Variants in ACAP3 observed in about 807,000 individuals in gnomAD.
The protein encoded by ACAP3 is arf-GAP with coiled-coil, ANK repeat and PH domain-containing protein 3.
A neutral mutation model predicts 104.1 loss-of-function variants in ACAP3; 56 were observed. That is an observed-to-expected ratio of 0.54 (90% CI 0.43 to 0.67). ACAP3 has a LOEUF of 0.67. Among genes scored for constraint, ACAP3 ranks in the 30% least tolerant of loss-of-function variants. The pLI, the probability that ACAP3 is intolerant of heterozygous loss-of-function variation, is 0.00. For missense variants in ACAP3, 1,208 were observed against 1,174.9 expected, an observed-to-expected ratio of 1.03 and a Z score of -0.41; for synonymous variants, 628 against 496.2, an observed-to-expected ratio of 1.27 and a Z score of -3.53.
rs199972649 is a variant in ACAP3 at position 1,293,836 on chromosome 1, C to T, written c.2347G>A (p.Asp783Asn). Residue 783 changes from aspartate to asparagine, a missense_variant, in exon 23 of 24, where the codon GAC becomes AAC. Coordinates refer to ENST00000354700, the MANE Select transcript of ACAP3 (RefSeq NM_030649.3). ...GGCCGCGCTCACAGTGTCACGATGT[C>T]AGCGTTGGCCGCCTGCACTGCGATG... is the stretch of plus-strand genomic sequence containing the variant. ...LAIAVQAANA[D>N]IVTLLRLARM... 1 of 1,581,210 alleles carries T rather than the reference C, an allele frequency of 6.3e-7. No individual in the cohort carries two copies. The highest frequency in any genetic ancestry group is 8.6e-7 in the Non-Finnish European group (1 of 1,167,684).
At chr1:1,304,978 C>A (rs1437604261) in intron 1 of ACAP3, 1 of 152,382 alleles carries the variant, frequency 6.6e-6, no homozygotes, top group Non-Finnish European at 1.5e-5. Context: ...GGATTGGGCA[C>A]CACAGGGCCC....
intron 1 of ACAP3, chr1:1,307,220 G>A (rs536781899): frequency 1.8e-4 from 231 of 1,287,160 alleles, no homozygotes; most frequent in African/African-American, 1.2e-3. Context: ...AAAACATGCA[G>A]ACTCGGTGTG....
chr1:1,292,478 CAG>C lies in ACAP3; in HGVS notation c.*1084_*1085del, dbSNP rs1478432020. The stretch of plus-strand genomic sequence containing the variant: ...GGCAAGAGGCGGGGCCAAGCTCACA[CAG>C]GGAGAGGGGCAAGAATCAATTCTGT... On this transcript the variant is annotated 3_prime_UTR_variant, in exon 24 of 24. Transcript: ENST00000354700. 1.3e-5 allele frequency: 2 copies of C among 152,402 alleles called. No individual in the cohort carries two copies. Among genetic ancestry groups the C allele is most frequent in the Non-Finnish European group, 2.9e-5 (2 of 68,168 alleles). The allele number at this position is 152,402 out of a possible 1,614,324, so 9.4% of individuals were successfully genotyped here.
chr1:1,298,102 G>A lies in ACAP3; in HGVS notation c.927C>T (p.Thr309=), dbSNP rs142233597. The change falls in exon 13 of 24, where the codon ACC becomes ACT. Residue 309 remains threonine (T), a synonymous_variant. Transcript: ENST00000354700. ...VYQKKLKDAL[T]VVVDDLRLCS... ...ACAGGCGGAGGTCATCCACCACCAC[G>A]GTGAGGGCATCCTGTGGGCGGCACC... The A allele has an allele frequency of 1.9e-4, 303 of 1,607,234 alleles. No homozygotes were observed. In the African/African-American group the frequency reaches 2.7e-3, roughly 14 times the overall value.
intron 5 of ACAP3, among the ~76,000 whole-genome samples, 171 bp from the exon 6 acceptor site, chr1:1,300,863 G>C (rs113978002): frequency 6.6e-6 from 1 of 151,638 alleles, no homozygotes; most frequent in African/African-American, 2.4e-5. Context: ...TCTCTGCCTC[G>C]CGAGTTCAAG....
At chr1:1,300,450 G>T in intron 6 of ACAP3, 59 bp downstream of exon 6, 4 of 1,520,624 alleles carry the variant, frequency 2.6e-6, no homozygotes, top group Non-Finnish European at 3.6e-6. Context: ...GTACAAGGCC[G>T]TTGAGGCCTC....
Position 1,300,014 on chromosome 1 carries a change from G to A in ACAP3, c.622C>T (p.Leu208=). Residue 208 remains leucine, a synonymous_variant, in exon 8 of 24, where the codon CTG becomes TTG. Coordinates refer to ENST00000354700, the MANE Select transcript of ACAP3 (RefSeq NM_030649.3). Reference sequence around the variant, plus strand: ...TTCATGTAGGGGTCCAGCTGGTGCAGGAGGCTGTAGCCCTGCTGGAAGAAG... The same window carrying A: ...TTCATGTAGGGGTCCAGCTGGTGCAAGAGGCTGTAGCCCTGCTGGAAGAAG... ...SSFFQQGYSL[L]HQLDPYMKKL... The A allele has an allele frequency of 1.9e-6, 3 of 1,612,532 alleles. No homozygotes were observed. Among genetic ancestry groups the A allele is most frequent in the Non-Finnish European group, 2.5e-6 (3 of 1,179,844 alleles).
chr1:1,299,810 G>A, intron 9 of ACAP3, 21 bp downstream of exon 9: 3 of 1,539,284 alleles, frequency 1.9e-6, no homozygotes, highest in Non-Finnish European at 1.8e-6. Flanking sequence ...GGTGTGCAGG[G>A]AGCCGGCTGC....
intron 14 of ACAP3, 94 bp from the exon 15 acceptor site, chr1:1,296,727 G>C: frequency 7.4e-7 from 1 of 1,344,016 alleles, no homozygotes; most frequent in Admixed American, 2.0e-5. Context: ...AGCCAATGCA[G>C]GCCAGGGCCC....
In ACAP3 at chr1:1,294,103, G is replaced by C; in HGVS notation, c.2236C>G (p.Leu746Val). 6.3e-7 allele frequency: 1 copy of C among 1,579,082 alleles called. No homozygotes were observed. Among genetic ancestry groups the C allele is most frequent in the Non-Finnish European group, 8.6e-7 (1 of 1,162,360 alleles). Reference protein sequence around the residue: ...GRAPLHHATLLGRTGQVCLFL... With the variant: ...GRAPLHHATLVGRTGQVCLFL... Reference sequence around the variant, plus strand: ...TGCGCGTCTCACCCGGTGCGGCCCAGCAGCGTGGCGTGGTGCAGGGGCGCC... The same window carrying C: ...TGCGCGTCTCACCCGGTGCGGCCCACCAGCGTGGCGTGGTGCAGGGGCGCC... Residue 746 changes from leucine to valine, a missense_variant, in exon 22 of 24, where the codon CTG (leucine) becomes GTG (valine). Transcript: ENST00000354700.
chr1:1,296,658 G>T, intron 14 of ACAP3, 25 bp from the exon 15 acceptor site: 1 of 1,521,496 alleles, frequency 6.6e-7, no homozygotes, highest in South Asian at 1.2e-5. Context: ...GGAGCTGCTC[G>T]GTCCCGCAGG....
At chr1:1,302,576 G>T (rs1641490968) in intron 4 of ACAP3, among the ~76,000 whole-genome samples, 2 of 152,116 alleles carry the variant, frequency 1.3e-5, no homozygotes, top group Non-Finnish European at 2.9e-5. Context: ...ACATCTCACG[G>T]GTGCCTGTCC....
intron 14 of ACAP3, 116 bp from the exon 15 acceptor site, chr1:1,296,749 G>A (rs970689735): frequency 9.2e-5 from 100 of 1,087,940 alleles, no homozygotes; most frequent in Non-Finnish European, 1.2e-4. Flanking sequence ...TCGAGCACAC[G>A]CCCGCACACG....
intron 12 of ACAP3, 30 bp from the exon 13 acceptor site, chr1:1,298,143 C>T (rs775064749): frequency 6.3e-7 from 1 of 1,585,348 alleles, no homozygotes. Flanking sequence ...GGCCCCTGCC[C>T]TCAGCCACCA....
At position 1,296,252 on chromosome 1, in the gene ACAP3, G is replaced by A. The variant is rs768250680; in HGVS notation, c.1366C>T (p.Arg456Trp). 5.1e-6 allele frequency: 8 copies of A among 1,560,974 alleles called. No homozygotes were observed. In the Admixed American group the frequency reaches 5.7e-5, roughly 11 times the overall value. Residue 456 changes from arginine to tryptophan, a missense_variant, in exon 16 of 24, where the codon CGG becomes TGG. Arg to Trp is a moderately radical substitution (Grantham distance 101, BLOSUM62 -3). Transcript: ENST00000354700. Reference sequence around the variant, plus strand: ...TCCCACGAGTCCAGCGTCAGGGACCGCACCTTGGAGCAGTGGACACCCAGG... The same window carrying A: ...TCCCACGAGTCCAGCGTCAGGGACCACACCTTGGAGCAGTGGACACCCAGG... The part of the protein sequence containing the change: ...RSLGVHCSKV[R>W]SLTLDSWEPE...
At position 1,296,031 on chromosome 1, in the gene ACAP3, T is replaced by C. The variant is rs1328806600; in HGVS notation, c.1486A>G (p.Thr496Ala). The C allele has an allele frequency of 1.2e-6, 2 of 1,612,766 alleles. No individual in the cohort carries two copies. Among genetic ancestry groups the C allele is most frequent in the Non-Finnish European group, 1.7e-6 (2 of 1,179,962 alleles). Residue 496 changes from threonine (T) to alanine (A), a missense_variant, in exon 17 of 24, where the codon ACA becomes GCA. Thr to Ala is a moderately conservative substitution (Grantham distance 58). Transcript: ENST00000354700. ...CCACCTCACCGGGAGCTGCTGGCTGTGGGTTTCCTGCTGCCTGCACCCTCA... is the reference window on the plus strand; with the variant it reads ...CCACCTCACCGGGAGCTGCTGGCTGCGGGTTTCCTGCTGCCTGCACCCTCA... ...QCEGAGSRKP[T>A]ASSSRQDKEA...
rs1641149857 is a variant in ACAP3 at position 1,296,337 on chromosome 1, A to G, written c.1338-57T>C. Reference sequence around the variant, plus strand: ...GAGGCAAGGCCCCCAGCTCCGGCCCAACCCCCACCCCCGGCCTGGCCCTCA... The same window carrying G: ...GAGGCAAGGCCCCCAGCTCCGGCCCGACCCCCACCCCCGGCCTGGCCCTCA... On this transcript the variant is annotated intron_variant, in intron 15 of 23. Transcript: ENST00000354700. 1.9e-6 allele frequency: 3 copies of G among 1,548,606 alleles called. No individual in the cohort carries two copies. The Admixed American group carries it at 5.9e-5, about 30-fold the overall frequency.
chr1:1,301,834 C>A (rs894464317), intron 5 of ACAP3, 154 bp downstream of exon 5: 1 of 644,196 alleles, frequency 1.6e-6, no homozygotes, highest in South Asian at 3.3e-5. Flanking sequence ...GCACTCCACC[C>A]GGCTGTCTGC....
At chr1:1,306,440 C>G (rs1641698225) in intron 1 of ACAP3, among the ~76,000 whole-genome samples, 2 of 152,188 alleles carry the variant, frequency 1.3e-5, no homozygotes, top group South Asian at 2.1e-4. Context: ...CTAGGGTGCT[C>G]AAGTTATTCA....
Sources: allele counts gnomAD v4.1 joint callset (sites outside exome capture counted in the v4.1 genomes callset), GRCh38; gene constraint gnomAD v4.1.1; transcripts MANE v1.5; gene names NCBI Gene and HGNC (gene_info 2026-07-23, HGNC 2026-07-21).